ARHGAP35: variants seen among roughly 807,000 people sequenced by gnomAD.
ARHGAP35 encodes the protein rho GTPase-activating protein 35.
ARHGAP35 carries 15 observed loss-of-function variants against 111.1 expected under a neutral mutation model. The observed-to-expected ratio is 0.13, with a 90% CI of 0.09 to 0.21. The LOEUF (loss-of-function observed/expected upper bound fraction) is 0.21, where lower values mean the gene tolerates loss of function less well. ARHGAP35 is among the 10% of genes least tolerant of loss of function. ARHGAP35 has a pLI of 1.00. For synonymous variants in ARHGAP35, 643 were observed against 710.3 expected, an observed-to-expected ratio of 0.91 and a Z score of 1.51; for missense variants, 1,262 against 1,873.0, an observed-to-expected ratio of 0.67 and a Z score of 6.02.
At position 46,994,584 on chromosome 19, in the gene ARHGAP35, C is replaced by T. The variant is rs922250239; in HGVS notation, c.4037-4720C>T. 2.0e-5 allele frequency among the ~76,000 whole-genome samples: 3 copies of T among 152,134 alleles called. No homozygotes were observed. Among genetic ancestry groups the T allele is most frequent in the African/African-American group, 7.2e-5 (3 of 41,426 alleles). On this transcript the variant is annotated intron_variant, in intron 5 of 6. Coordinates refer to ENST00000672722, the MANE Select transcript of ARHGAP35 (RefSeq NM_004491.5). The surrounding 1 kb of genome is among the most constrained non-coding windows in gnomAD (Gnocchi z 5.4). ...CAGCCAGCCAGAGGCGCCGTGAACTCGCCGGGGATGAGGATGGTGGTCAGG... is the reference window on the plus strand; with the variant it reads ...CAGCCAGCCAGAGGCGCCGTGAACTTGCCGGGGATGAGGATGGTGGTCAGG...
At chr19:46,876,605 T>TC (rs2055923518) in intron 1 of ARHGAP35, among the ~76,000 whole-genome samples, 1 of 151,824 alleles carries the variant, frequency 6.6e-6, no homozygotes, top group Non-Finnish European at 1.5e-5. Context: ...ACTCCTGACC[T>TC]CATGATTCAC....
At chr19:46,909,768 A>T (rs907812132) in intron 1 of ARHGAP35, among the ~76,000 whole-genome samples, 2 of 151,938 alleles carry the variant, frequency 1.3e-5, no homozygotes, top group Non-Finnish European at 2.9e-5. Flanking sequence ...CAATGTTATT[A>T]TTTTATTTTT....
chr19:46,978,687 A>ATGTGTGTGTGGTGGGATG (rs1555765579), intron 3 of ARHGAP35, among the ~76,000 whole-genome samples: 26 of 11,082 alleles, frequency 2.3e-3, no homozygotes, highest in South Asian at 3.0e-3. Context: ...GTGTGGTGGG[A>ATGTGTGTGTGGTGGGATG]TGTGTGTGTG....
In ARHGAP35 at chr19:46,999,353, G is replaced by C. The variant is rs1260421256; in HGVS notation, c.4086G>C (p.Lys1362Asn). ...TGCATGCCCTTAAGGAGGTATTAAA[G>C]AAATTTCCAAAGGAAAACCACGAAG... is the stretch of plus-strand genomic sequence containing the variant. ...QKLHALKEVL[K>N]KFPKENHEVF... Residue 1362 changes from lysine (K) to asparagine (N), a missense_variant, in exon 6 of 7, where the codon AAG becomes AAC. Around this residue, in one of 8 missense-constraint regions of ARHGAP35, gnomAD observed 50 missense variants for 60.5 expected, o/e 0.83. Coordinates refer to ENST00000672722, the MANE Select transcript of ARHGAP35 (RefSeq NM_004491.5). This position sits in a 1 kb window ranked among gnomAD's most constrained non-coding sequence, Gnocchi z 5.4. 5.0e-6 allele frequency: 8 copies of C among 1,596,446 alleles called. No individual in the cohort carries two copies. Among genetic ancestry groups the C allele is most frequent in the Admixed American group, 1.8e-5 (1 of 57,058 alleles).
intron 3 of ARHGAP35, among the ~76,000 whole-genome samples, chr19:46,982,476 CAA>C (rs111425230): frequency 2.8e-4 from 27 of 96,808 alleles, no homozygotes; most frequent in African/African-American, 2.7e-4. Context: ...GACTTTGTCT[CAA>C]AAAAAAAAAA....
intron 1 of ARHGAP35, among the ~76,000 whole-genome samples, chr19:46,884,441 G>GT (rs2055982360): frequency 6.9e-6 from 1 of 145,082 alleles, no homozygotes; most frequent in Non-Finnish European, 1.5e-5. Context: ...CAGGCCAGCT[G>GT]TTTAACTTTT....
chr19:46,979,805 A>C (rs3915988), intron 3 of ARHGAP35, among the ~76,000 whole-genome samples: 1 of 152,120 alleles, frequency 6.6e-6, no homozygotes, highest in Admixed American at 6.6e-5. Context: ...ATGGGGGGAA[A>C]GTCTGGCACA....
At chr19:46,996,774 C>T (rs1766096516) in intron 5 of ARHGAP35, among the ~76,000 whole-genome samples, 1 of 152,236 alleles carries the variant, frequency 6.6e-6, no homozygotes, top group Non-Finnish European at 1.5e-5. Flanking sequence ...ATACGGTCTT[C>T]TGTCCTCCCT....
chr19:46,867,618 CTAGA>C (rs920609761), intron 1 of ARHGAP35, among the ~76,000 whole-genome samples: 7 of 152,152 alleles, frequency 4.6e-5, no homozygotes, highest in African/African-American at 1.7e-4. Context: ...ATCTCTCTCT[CTAGA>C]TAGACAGTAA....
intron 1 of ARHGAP35, among the ~76,000 whole-genome samples, chr19:46,884,186 C>G (rs965285020): frequency 1.3e-5 from 2 of 152,174 alleles, no homozygotes; most frequent in African/African-American, 4.8e-5. Flanking sequence ...TGGCTCACAT[C>G]TGTAATCCCA....
At chr19:46,917,929 G>A (rs1294791148) in intron 1 of ARHGAP35, among the ~76,000 whole-genome samples, 2 of 152,170 alleles carry the variant, frequency 1.3e-5, no homozygotes, top group African/African-American at 4.8e-5. Context: ...GGCCAGACTG[G>A]TCTTGAACTC....
In ARHGAP35 at chr19:46,989,820, A is replaced by C. The variant is rs1024871682; in HGVS notation, c.4036+145A>C. Reference sequence around the variant, plus strand: ...GCAAGGGAATTAACCAGATGACAGCAATGGGACTTGCAAATCGGGCTCCTG... The same window carrying C: ...GCAAGGGAATTAACCAGATGACAGCCATGGGACTTGCAAATCGGGCTCCTG... On this transcript the variant is annotated intron_variant, in intron 5 of 6. Transcript: ENST00000672722. This position sits in a 1 kb window ranked among gnomAD's most constrained non-coding sequence, Gnocchi z 5.3. 3.7e-6 allele frequency: 5 copies of C among 1,364,948 alleles called. No individual in the cohort carries two copies. In the Middle Eastern group the frequency reaches 1.1e-3, roughly 289 times the overall value. 84.6% of individuals were successfully genotyped at this position (1,364,948 alleles called of 1,614,324 possible). A position where few individuals can be genotyped will look rare whatever the true frequency, so the allele number is the denominator to read the frequency against.
chr19:46,905,844 G>A (rs1337528898), intron 1 of ARHGAP35, among the ~76,000 whole-genome samples: 1 of 151,980 alleles, frequency 6.6e-6, no homozygotes, highest in Non-Finnish European at 1.5e-5. Context: ...GAGCCACTGT[G>A]CCCAGCTAAT....
At chr19:46,967,576 A>G (rs576853899) in intron 3 of ARHGAP35, among the ~76,000 whole-genome samples, 2 of 152,288 alleles carry the variant, frequency 1.3e-5, no homozygotes, top group Admixed American at 6.5e-5. Flanking sequence ...TGCTGCAAAT[A>G]TCTTTCCAAA....
chr19:46,957,384 C>G (rs1033361719), intron 3 of ARHGAP35, among the ~76,000 whole-genome samples: 33 of 151,764 alleles, frequency 2.2e-4, no homozygotes, highest in Admixed American at 1.9e-3. Flanking sequence ...GAGGCCGAGG[C>G]AGGAGGATCA....
intron 2 of ARHGAP35, among the ~76,000 whole-genome samples, chr19:46,935,392 G>A (rs2056301815): frequency 6.6e-6 from 1 of 152,190 alleles, no homozygotes; most frequent in Admixed American, 6.5e-5. Flanking sequence ...GAATGATCTT[G>A]CTCTTTCCTT....
In ARHGAP35 at chr19:47,000,377, T is replaced by G; in HGVS notation, c.4189T>G (p.Ser1397Ala). 1 of 1,613,742 alleles carries G rather than the reference T, an allele frequency of 6.2e-7. No homozygotes were observed. The highest frequency in any genetic ancestry group is 8.5e-7 in the Non-Finnish European group (1 of 1,179,830). The stretch of plus-strand genomic sequence containing the variant: ...GAATCTCATGACCAGCGAGAACCTC[T>G]CCATCTGCTTCTGGCCCACCTTGAT... Reference protein sequence around the residue: ...KVNLMTSENLSICFWPTLMRP... With the variant: ...KVNLMTSENLAICFWPTLMRP... Residue 1397 changes from serine to alanine, a missense_variant, in exon 7 of 7, where the codon TCC becomes GCC. Coordinates refer to ENST00000672722, the MANE Select transcript of ARHGAP35 (RefSeq NM_004491.5). The surrounding 1 kb of genome is among the most constrained non-coding windows in gnomAD (Gnocchi z 6.9).
At chr19:46,861,621 TCTC>T (rs367895279) in intron 1 of ARHGAP35, among the ~76,000 whole-genome samples, 106 of 150,884 alleles carry the variant, frequency 7.0e-4, no homozygotes, top group African/African-American at 2.5e-3. Flanking sequence ...GGACCCATCT[TCTC>T]CTCATTGACC....
Position 46,918,569 on chromosome 19 carries a change from T to G in ARHGAP35, c.-107T>G. ...ACAACACTATGGGACCTGGCATTTT[T>G]GCTGCATGTCCAGCCCACCCCCACT... On this transcript the variant is annotated 5_prime_UTR_variant, in exon 2 of 7. Coordinates refer to ENST00000672722, the MANE Select transcript of ARHGAP35 (RefSeq NM_004491.5). This position sits in a 1 kb window ranked among gnomAD's most constrained non-coding sequence, Gnocchi z 5.4. The G allele has an allele frequency of 2.7e-6, 3 of 1,113,766 alleles. No individual in the cohort carries two copies. The highest frequency in any genetic ancestry group is 3.9e-6 in the Non-Finnish European group (3 of 763,026). The allele number at this position is 1,113,766 out of a possible 1,614,324, so 69.0% of individuals were successfully genotyped here. A position where few individuals can be genotyped will look rare whatever the true frequency, so the allele number is the denominator to read the frequency against.
Sources: gnomAD v4.1 joint callset for allele counts (sites outside exome capture counted in the v4.1 genomes callset) on GRCh38, gnomAD v4.1.1 for gene constraint, gnomAD v4.1.1 regional missense constraint, Gnocchi (gnomAD v3.1) non-coding constraint, MANE v1.5 for transcripts, NCBI Gene and HGNC (gene_info 2026-07-23, HGNC 2026-07-21) for gene names.